PEX5L: variants seen among roughly 807,000 people sequenced by gnomAD.
The protein encoded by PEX5L is peroxisomal biogenesis factor 5 like.
In PEX5L, 30 loss-of-function variants were observed where a neutral mutation model predicts 84.0. The observed-to-expected ratio is 0.36, with a 90% CI of 0.27 to 0.48. PEX5L has a LOEUF of 0.48. Ranked by LOEUF, PEX5L falls within the 20% of genes least tolerant of loss-of-function variation. The pLI, the probability that PEX5L is intolerant of heterozygous loss-of-function variation, is 0.99. For missense variants in PEX5L, 533 were observed against 754.6 expected (o/e 0.71, Z 3.44); for synonymous variants, 270 against 283.1 (o/e 0.95, Z 0.46).
chr3:179,848,978 T>C (rs572050890), intron 8 of PEX5L, among the ~76,000 whole-genome samples: 99 of 152,202 alleles, frequency 6.5e-4, no homozygotes, highest in African/African-American at 1.7e-3. Context: ...CCCTTGGGGA[T>C]GGAGGAGAAA....
rs1208273014 is a variant in PEX5L at position 179,948,961 on chromosome 3, T to C, written c.93+22633A>G. Among the ~76,000 whole-genome samples, 14 of 152,242 alleles carry C rather than the reference T, an allele frequency of 9.2e-5. No homozygotes were observed. In the East Asian group the frequency reaches 2.7e-3, roughly 29 times the overall value. On this transcript the variant is annotated intron_variant, in intron 2 of 14. Coordinates refer to ENST00000467460, the MANE Select transcript of PEX5L (RefSeq NM_016559.3). ...CGTGCAAAGAGACTTTAATAATATT[T>C]AGTTAATATGACATTATACCAACAG...
At chr3:179,942,278 G>T (rs1443612774) in intron 2 of PEX5L, among the ~76,000 whole-genome samples, 1 of 152,198 alleles carries the variant, frequency 6.6e-6, no homozygotes, top group Non-Finnish European at 1.5e-5. Context: ...TCCTTTTCGT[G>T]GCTGCTATTT....
At chr3:179,873,655 A>G (rs1751137981) in intron 7 of PEX5L, among the ~76,000 whole-genome samples, 1 of 152,174 alleles carries the variant, frequency 6.6e-6, no homozygotes, top group Non-Finnish European at 1.5e-5. Flanking sequence ...TTCACACCCT[A>G]CTTCCACCAG....
In PEX5L at chr3:179,859,118, G is replaced by A. The variant is rs371147854; in HGVS notation, c.766C>T (p.Leu256Phe). ...TCTTCTAAGGAGTGGTTTCTAGAAAGTAATGCGCTTCCCCAGCGATGTTCT... is the reference window on the plus strand; with the variant it reads ...TCTTCTAAGGAGTGGTTTCTAGAAAATAATGCGCTTCCCCAGCGATGTTCT... ...TKEHRWGSAL[L>F]SRNHSLEEEF... Residue 256 changes from leucine to phenylalanine, a missense_variant, in exon 8 of 15, where the codon CTT (leucine) becomes TTT (phenylalanine). Leu to Phe is a conservative substitution (Grantham distance 22). This residue lies in a region of PEX5L where 10 missense variants were observed against 40.6 expected (regional missense o/e 0.25). Coordinates refer to ENST00000467460, the MANE Select transcript of PEX5L (RefSeq NM_016559.3). 2 of 1,613,894 alleles carry A rather than the reference G, an allele frequency of 1.2e-6. No homozygotes were observed. Among genetic ancestry groups the A allele is most frequent in the African/African-American group, 2.7e-5 (2 of 74,930 alleles).
At chr3:179,849,829 C>T (rs934050850) in intron 8 of PEX5L, among the ~76,000 whole-genome samples, 3 of 152,146 alleles carry the variant, frequency 2.0e-5, no homozygotes, top group African/African-American at 2.4e-5. Flanking sequence ...GAATGCAGAT[C>T]GTGGATTTCT....
Position 179,934,771 on chromosome 3 carries a change from A to G in PEX5L, c.94-36525T>C, listed in dbSNP as rs564771144. Among the ~76,000 whole-genome samples, 4 of 152,164 alleles carry G rather than the reference A, an allele frequency of 2.6e-5. No homozygotes were observed. In the East Asian group the frequency reaches 7.7e-4, roughly 29 times the overall value. On this transcript the variant is annotated intron_variant, in intron 2 of 14. Coordinates refer to ENST00000467460, the MANE Select transcript of PEX5L (RefSeq NM_016559.3). Reference sequence around the variant, plus strand: ...ACACACAAAAGGGCTCAATACTAATACTCTAATTGTTTGGAAACTATAATC... The same window carrying G: ...ACACACAAAAGGGCTCAATACTAATGCTCTAATTGTTTGGAAACTATAATC...
At chr3:179,825,193 C>T (rs896665414) in intron 8 of PEX5L, among the ~76,000 whole-genome samples, 11 of 152,174 alleles carry the variant, frequency 7.2e-5, no homozygotes, top group African/African-American at 2.2e-4. Flanking sequence ...ACACAATCAT[C>T]AGGGGGATGC....
At chr3:180,032,419 G>C (rs572658463) in intron 1 of PEX5L, among the ~76,000 whole-genome samples, 1 of 152,126 alleles carries the variant, frequency 6.6e-6, no homozygotes, top group South Asian at 2.1e-4. Context: ...TGCCACCCCC[G>C]TTCCAACTCT....
intron 2 of PEX5L, among the ~76,000 whole-genome samples, chr3:179,959,675 C>A (rs1263608569): frequency 6.6e-6 from 1 of 151,518 alleles, no homozygotes; most frequent in Non-Finnish European, 1.5e-5. Context: ...TATATTTTTT[C>A]ATATAGCTTC....
intron 1 of PEX5L, among the ~76,000 whole-genome samples, chr3:179,999,350 C>T (rs1026609655): frequency 2.0e-5 from 3 of 152,076 alleles, no homozygotes; most frequent in African/African-American, 7.2e-5. Context: ...CAGCCTCTTC[C>T]CCCAGCCACC....
intron 7 of PEX5L, among the ~76,000 whole-genome samples, chr3:179,867,309 C>T (rs2108624590): frequency 6.6e-6 from 1 of 152,202 alleles, no homozygotes; most frequent in East Asian, 1.9e-4. Context: ...TAATTAACTT[C>T]AGCTGCTACT....
intron 7 of PEX5L, among the ~76,000 whole-genome samples, chr3:179,868,044 T>A (rs1309303109): frequency 7.7e-6 from 1 of 129,622 alleles, no homozygotes; most frequent in Non-Finnish European, 1.6e-5. Flanking sequence ...TTCTTCTTCT[T>A]TTTTTTTTTT....
At chr3:179,983,682 T>A (rs553128306) in intron 1 of PEX5L, among the ~76,000 whole-genome samples, 1 of 152,084 alleles carries the variant, frequency 6.6e-6, no homozygotes, top group African/African-American at 2.4e-5. Context: ...CTGGCTTTTT[T>A]TCTTTTTTCC....
intron 7 of PEX5L, among the ~76,000 whole-genome samples, chr3:179,863,833 A>G (rs1043030783): frequency 1.3e-5 from 2 of 152,154 alleles, no homozygotes; most frequent in African/African-American, 4.8e-5. Context: ...CTGGGTATAT[A>G]TCTGATATGG....
rs115026931 is a variant in PEX5L, at chr3:179,940,704, C to T, written c.93+30890G>A. Among the ~76,000 whole-genome samples the T allele has an allele frequency of 3.6e-3, 552 of 152,266 alleles. 3 individuals carry two copies. The highest frequency in any genetic ancestry group is 0.013 in the African/African-American group (537 of 41,550). On this transcript the variant is annotated intron_variant, in intron 2 of 14. Transcript: ENST00000467460. The stretch of plus-strand genomic sequence containing the variant: ...CTCTGCCTGTATATTTAGAGCAAGA[C>T]GTAACTCCTTAAGAACAACATGGAT...
chr3:179,909,259 T>C (rs1488777793), intron 2 of PEX5L, among the ~76,000 whole-genome samples: 2 of 152,112 alleles, frequency 1.3e-5, no homozygotes, highest in Non-Finnish European at 2.9e-5. Context: ...TGCAATGAAC[T>C]TGAATTTAGA....
intron 8 of PEX5L, among the ~76,000 whole-genome samples, chr3:179,856,249 C>A (rs935509193): frequency 6.6e-6 from 1 of 152,214 alleles, no homozygotes; most frequent in Non-Finnish European, 1.5e-5. Context: ...CATTCTTTAA[C>A]ATGTTACCTA....
At chr3:180,035,965 A>G (rs946306668) in intron 1 of PEX5L, among the ~76,000 whole-genome samples, 1 of 152,186 alleles carries the variant, frequency 6.6e-6, no homozygotes, top group African/African-American at 2.4e-5. Flanking sequence ...TCAGATGAAT[A>G]TTAATAACAA....
intron 2 of PEX5L, chr3:179,921,877 T>C (rs1465211901): frequency 6.6e-6 from 1 of 152,252 alleles, no homozygotes; most frequent in Non-Finnish European, 1.5e-5. Context: ...TTTTGCCTCA[T>C]TAAACTAGTT....
Sources: allele counts gnomAD v4.1 joint callset (sites outside exome capture counted in the v4.1 genomes callset), GRCh38; gene constraint gnomAD v4.1.1; regional missense constraint gnomAD v4.1.1; transcripts MANE v1.5; gene names NCBI Gene and HGNC (gene_info 2026-07-23, HGNC 2026-07-21).